The following ARHGAP24 variants were observed in gnomAD, a reference collection of about 807,000 sequenced individuals.
ARHGAP24 encodes rho GTPase-activating protein 24.
Under a neutral mutation model 76.4 loss-of-function variants are expected in ARHGAP24, and 50 were observed. That is an observed-to-expected ratio of 0.65 (90% CI 0.52 to 0.83). ARHGAP24 has a LOEUF of 0.83. Ranked by LOEUF, ARHGAP24 falls within the 40% of genes least tolerant of loss-of-function variation. The pLI is 0.00. For synonymous variants in ARHGAP24, 345 were observed against 323.3 expected, an observed-to-expected ratio of 1.07 and a Z score of -0.72; for missense variants, 930 against 914.2, an observed-to-expected ratio of 1.02 and a Z score of -0.22.
intron 2 of ARHGAP24, among the ~76,000 whole-genome samples, chr4:85,667,133 A>T (rs183597249): frequency 6.6e-6 from 1 of 152,238 alleles, no homozygotes; most frequent in Admixed American, 6.5e-5. Context: ...GGCCTCCTTG[A>T]GCTGTGGTGG....
chr4:85,869,928 T>G (rs1191455137), intron 3 of ARHGAP24, among the ~76,000 whole-genome samples: 1 of 152,200 alleles, frequency 6.6e-6, no homozygotes, highest in African/African-American at 2.4e-5. Context: ...ACTGCCTCAA[T>G]TTGAATCCCT....
intron 2 of ARHGAP24, among the ~76,000 whole-genome samples, chr4:85,601,134 G>A (rs527836044): frequency 4.0e-5 from 6 of 151,612 alleles, no homozygotes; most frequent in East Asian, 1.9e-4. Flanking sequence ...TTTTATTCAC[G>A]TCTATATTTT....
chr4:85,912,610 C>T (rs1735151486), intron 3 of ARHGAP24, among the ~76,000 whole-genome samples: 1 of 152,152 alleles, frequency 6.6e-6, no homozygotes, highest in Non-Finnish European at 1.5e-5. Flanking sequence ...AACACATTCT[C>T]TAAAATTGCT....
At chr4:85,887,976 A>G (rs1018175037) in intron 3 of ARHGAP24, among the ~76,000 whole-genome samples, 6 of 152,206 alleles carry the variant, frequency 3.9e-5, no homozygotes, top group Admixed American at 2.6e-4. Flanking sequence ...ATCCTGGGTC[A>G]TATATAAATC....
intron 2 of ARHGAP24, among the ~76,000 whole-genome samples, chr4:85,608,616 G>T (rs1414064752): frequency 1.6e-5 from 2 of 124,414 alleles, no homozygotes; most frequent in Admixed American, 9.6e-5. Flanking sequence ...GGAGTACAAT[G>T]GCATGATCTC....
chr4:85,620,300 G>C (rs1720674057), intron 2 of ARHGAP24, among the ~76,000 whole-genome samples: 1 of 151,818 alleles, frequency 6.6e-6, no homozygotes, highest in African/African-American at 2.4e-5. Context: ...TTCTTTAATG[G>C]AAGAATTTAT....
chr4:85,661,888 G>A (rs1722402264), intron 2 of ARHGAP24, among the ~76,000 whole-genome samples: 1 of 152,118 alleles, frequency 6.6e-6, no homozygotes, highest in African/African-American at 2.4e-5. Flanking sequence ...TGGTGTATAT[G>A]TGCCACATTT....
At chr4:85,930,472 G>A in intron 4 of ARHGAP24, 1 of 991,058 alleles carries the variant, frequency 1.0e-6, no homozygotes, top group Non-Finnish European at 1.2e-6. Context: ...ATATTCCTCA[G>A]GGGACTTTTT....
chr4:85,772,592 C>G (rs1727170993), intron 3 of ARHGAP24, among the ~76,000 whole-genome samples: 1 of 152,154 alleles, frequency 6.6e-6, no homozygotes, highest in South Asian at 2.1e-4. Context: ...CTTTCATTCT[C>G]GTTTCCACTG....
At chr4:85,565,069 TGTAA>T (rs1457967917) in intron 1 of ARHGAP24, among the ~76,000 whole-genome samples, 2 of 150,926 alleles carry the variant, frequency 1.3e-5, no homozygotes, top group Admixed American at 1.3e-4. Flanking sequence ...TCATTTCTTT[TGTAA>T]GTTTTTGTAG....
chr4:85,642,575 C>CTCTCATA (rs3028179), intron 2 of ARHGAP24, among the ~76,000 whole-genome samples: 58,985 of 151,430 alleles, frequency 0.39, 12,926 homozygotes, highest in East Asian at 0.84. Flanking sequence ...ACTCTTCTTT[C>CTCTCATA]TCTCACAATA....
intron 1 of ARHGAP24, among the ~76,000 whole-genome samples, chr4:85,554,819 C>T (rs986318966): frequency 8.6e-5 from 12 of 139,962 alleles, no homozygotes; most frequent in Non-Finnish European, 1.7e-4. Flanking sequence ...TACAGGTGCC[C>T]GCTATCACGC....
At chr4:85,628,059 C>T (rs1013013631) in intron 2 of ARHGAP24, among the ~76,000 whole-genome samples, 27 of 152,288 alleles carry the variant, frequency 1.8e-4, no homozygotes, top group African/African-American at 6.3e-4. Context: ...CTTCGGCTTG[C>T]ACATGGTGTG....
intron 1 of ARHGAP24, among the ~76,000 whole-genome samples, chr4:85,563,490 T>G (rs1484111949): frequency 1.3e-5 from 2 of 152,192 alleles, no homozygotes; most frequent in African/African-American, 4.8e-5. Flanking sequence ...GTGTCTCTTC[T>G]TATAAGGGCA....
intron 2 of ARHGAP24, among the ~76,000 whole-genome samples, chr4:85,601,098 A>G (rs1481041185): frequency 6.6e-6 from 1 of 152,186 alleles, no homozygotes; most frequent in Non-Finnish European, 1.5e-5. Context: ...TATTCTTAAC[A>G]TTCTAAAGAG....
At chr4:85,576,249 A>AC (rs1727368165) in intron 2 of ARHGAP24, among the ~76,000 whole-genome samples, 1 of 151,902 alleles carries the variant, frequency 6.6e-6, no homozygotes, top group South Asian at 2.1e-4. Flanking sequence ...ACACGGTGAA[A>AC]CCCCGTCTCT....
At chr4:85,907,931 A>G (rs1426627564) in intron 3 of ARHGAP24, among the ~76,000 whole-genome samples, 3 of 152,178 alleles carry the variant, frequency 2.0e-5, no homozygotes, top group African/African-American at 4.8e-5. Context: ...GAGCAAAATA[A>G]GGCTCGGAAA....
intron 3 of ARHGAP24, among the ~76,000 whole-genome samples, chr4:85,738,899 A>G (rs986757795): frequency 5.9e-5 from 9 of 152,200 alleles, no homozygotes; most frequent in Middle Eastern, 3.2e-3. Flanking sequence ...TGCAGATGGC[A>G]TAAGACCAGG....
chr4:85,934,463 T>C (rs1343374196), intron 4 of ARHGAP24, among the ~76,000 whole-genome samples: 1 of 152,218 alleles, frequency 6.6e-6, no homozygotes, highest in Non-Finnish European at 1.5e-5. Context: ...CTTTCTCTGT[T>C]TACCAATTAT....
Sources: allele counts gnomAD v4.1 joint callset (sites outside exome capture counted in the v4.1 genomes callset), GRCh38; gene constraint gnomAD v4.1.1; transcripts MANE v1.5; gene names NCBI Gene and HGNC (gene_info 2026-07-23, HGNC 2026-07-21).